The following PIBF1 variants were observed in gnomAD, a reference collection of about 807,000 sequenced individuals.
PIBF1 encodes progesterone immunomodulatory binding factor 1.
Under a neutral mutation model 112.5 loss-of-function variants are expected in PIBF1, and 90 were observed. The observed-to-expected ratio is 0.80, with a 90% CI of 0.67 to 0.95. PIBF1 has a LOEUF of 0.95. Among genes scored for constraint, PIBF1 ranks in the 40% least tolerant of loss-of-function variants. The pLI is 0.00. For missense variants in PIBF1, 915 were observed against 852.3 expected, an observed-to-expected ratio of 1.07 and a Z score of -0.92; for synonymous variants, 301 against 288.6, an observed-to-expected ratio of 1.04 and a Z score of -0.44.
At chr13:72,913,452 T>C (rs1194847485) in intron 12 of PIBF1, among the ~76,000 whole-genome samples, 1 of 152,130 alleles carries the variant, frequency 6.6e-6, no homozygotes, top group Non-Finnish European at 1.5e-5. Context: ...TGGATATATG[T>C]ATAATAAACA....
intron 5 of PIBF1, among the ~76,000 whole-genome samples, chr13:72,815,384 G>C (rs1232224237): frequency 6.6e-6 from 1 of 152,122 alleles, no homozygotes; most frequent in South Asian, 2.1e-4. Flanking sequence ...CTTCATATGA[G>C]TTTGTTACCT....
At chr13:72,936,141 A>G (rs1471605310) in intron 14 of PIBF1, among the ~76,000 whole-genome samples, 1 of 151,932 alleles carries the variant, frequency 6.6e-6, no homozygotes, top group Non-Finnish European at 1.5e-5. Context: ...GCCTCAAACT[A>G]TTGGGAGCCT....
Position 72,783,420 on chromosome 13 carries a change from C to A in PIBF1, c.-47-3C>A. 2 of 1,247,980 alleles carry A rather than the reference C, an allele frequency of 1.6e-6. No individual in the cohort carries two copies. Among genetic ancestry groups the A allele is most frequent in the South Asian group, 1.3e-5 (1 of 75,120 alleles). 77.3% of individuals were successfully genotyped at this position (1,247,980 alleles called of 1,614,324 possible). A position where few individuals can be genotyped will look rare whatever the true frequency, so the allele number is the denominator to read the frequency against. ...ATTTGAATTAATGTTTTTTAACCTA[C>A]AGAATATTAAAATCAAATTAGAGAA... On this transcript the variant is annotated splice_region_variant and splice_polypyrimidine_tract_variant and intron_variant, in intron 1 of 17. Transcript: ENST00000326291.
intron 14 of PIBF1, among the ~76,000 whole-genome samples, chr13:72,942,970 C>T (rs1036927850): frequency 1.3e-5 from 2 of 152,034 alleles, no homozygotes; most frequent in East Asian, 1.9e-4. Flanking sequence ...CACTGCACTC[C>T]AGCCCAGGTG....
rs546619452 is a variant in PIBF1, at chr13:72,783,603, G to C, written c.134G>C (p.Arg45Thr). The C allele has an allele frequency of 3.7e-5, 60 of 1,614,076 alleles. 3 individuals carry two copies. The South Asian group carries it at 6.5e-4, about 17-fold the overall frequency. Reference protein sequence around the residue: ...SSSEEREGKVRITRQLIERKE... With the variant: ...SSSEEREGKVTITRQLIERKE... ...TCAGAAGAGCGAGAGGGCAAAGTCA[G>C]AATCACCAGGCAGCTAATTGAACGA... is the stretch of plus-strand genomic sequence containing the variant. Residue 45 changes from arginine to threonine, a missense_variant, in exon 2 of 18, where the codon AGA becomes ACA. Arg to Thr is a moderately conservative substitution (Grantham distance 71). Coordinates refer to ENST00000326291, the MANE Select transcript of PIBF1 (RefSeq NM_006346.4).
chr13:72,873,736 A>C (rs1352977060), intron 10 of PIBF1, among the ~76,000 whole-genome samples: 1 of 150,186 alleles, frequency 6.7e-6, no homozygotes, highest in African/African-American at 2.5e-5. Flanking sequence ...GTTGGGGGAC[A>C]AAAAGAAAAA....
chr13:72,803,287 A>T (rs981140708), intron 5 of PIBF1, among the ~76,000 whole-genome samples: 2 of 149,048 alleles, frequency 1.3e-5, no homozygotes, highest in African/African-American at 5.0e-5. Flanking sequence ...CTTAAGAGAG[A>T]TGACAGCTGT....
chr13:72,908,736 A>G, intron 12 of PIBF1, 55 bp downstream of exon 12: 1 of 1,485,554 alleles, frequency 6.7e-7, no homozygotes, highest in Non-Finnish European at 9.2e-7. Flanking sequence ...GCAACAAAAG[A>G]CGCCTGACCT....
At chr13:72,974,889 T>C (rs1321119581) in intron 16 of PIBF1, among the ~76,000 whole-genome samples, 1 of 152,150 alleles carries the variant, frequency 6.6e-6, no homozygotes, top group Non-Finnish European at 1.5e-5. Flanking sequence ...TTTTCCAAAG[T>C]TACTATACTT....
Position 72,996,999 on chromosome 13 carries a change from G to A in PIBF1, c.2050-1823G>A, listed in dbSNP as rs528356214. Among the ~76,000 whole-genome samples, 12 of 152,268 alleles carry A rather than the reference G, an allele frequency of 7.9e-5. No individual in the cohort carries two copies. The South Asian group carries it at 2.3e-3, about 29-fold the overall frequency. ...ATATTTTTTGTACAGTCACATTAAC[G>A]AAAGTGGTACTGTGACAACACCCCA... On this transcript the variant is annotated intron_variant, in intron 16 of 17. Coordinates refer to ENST00000326291, the MANE Select transcript of PIBF1 (RefSeq NM_006346.4).
chr13:72,956,171 C>G lies in PIBF1; in HGVS notation c.1834-9103C>G, dbSNP rs894263234. 2.6e-5 allele frequency among the ~76,000 whole-genome samples: 4 copies of G among 152,128 alleles called. No homozygotes were observed. The South Asian group carries it at 6.2e-4, about 24-fold the overall frequency. ...CATGTTATTGAATATCAACTAGGCC[C>G]TTAACTACTGTTGCCCAGTGTTTTT... On this transcript the variant is annotated intron_variant, in intron 14 of 17. Transcript: ENST00000326291.
At chr13:72,985,035 AT>A (rs529422417) in intron 16 of PIBF1, among the ~76,000 whole-genome samples, 42 of 152,248 alleles carry the variant, frequency 2.8e-4, no homozygotes, top group South Asian at 1.2e-3. Flanking sequence ...TTAAAAGTAC[AT>A]TTCTCTGACC....
intron 8 of PIBF1, among the ~76,000 whole-genome samples, chr13:72,834,004 A>G (rs2037239755): frequency 6.6e-6 from 1 of 152,174 alleles, no homozygotes; most frequent in African/African-American, 2.4e-5. Context: ...AGATAGATAG[A>G]TATATGCTAT....
At chr13:73,000,487 G>A (rs571161439) in intron 17 of PIBF1, among the ~76,000 whole-genome samples, 11 of 152,266 alleles carry the variant, frequency 7.2e-5, no homozygotes, top group East Asian at 3.9e-4. Context: ...TACAGCTGCC[G>A]AGGACTGTTT....
chr13:72,847,516 T>C (rs2037929105), intron 9 of PIBF1, among the ~76,000 whole-genome samples: 1 of 152,206 alleles, frequency 6.6e-6, no homozygotes, highest in Admixed American at 6.5e-5. Context: ...TCTCATGGCC[T>C]AATCACCATT....
chr13:72,927,744 A>G (rs1465035797), intron 13 of PIBF1, among the ~76,000 whole-genome samples: 5 of 150,874 alleles, frequency 3.3e-5, no homozygotes, highest in African/African-American at 1.2e-4. Context: ...ATATATCTTT[A>G]TATTTCTTTT....
intron 14 of PIBF1, among the ~76,000 whole-genome samples, chr13:72,945,255 T>C (rs1337190811): frequency 1.3e-5 from 2 of 152,210 alleles, no homozygotes; most frequent in Non-Finnish European, 2.9e-5. Context: ...TAGTATCCCA[T>C]GGTGTATATG....
chr13:72,827,700 CTG>C (rs1201813407), intron 7 of PIBF1, 31 bp from the exon 8 acceptor site: 3 of 1,255,112 alleles, frequency 2.4e-6, no homozygotes, highest in Non-Finnish European at 2.2e-6. Flanking sequence ...GATGGCATCA[CTG>C]TGGATACTTT....
intron 16 of PIBF1, among the ~76,000 whole-genome samples, chr13:72,985,864 C>G (rs2043272582): frequency 6.6e-6 from 1 of 151,874 alleles, no homozygotes; most frequent in Non-Finnish European, 1.5e-5. Flanking sequence ...ATAGTAAAGG[C>G]CAGGGTCCAG....
Sources: allele counts gnomAD v4.1 joint callset (sites outside exome capture counted in the v4.1 genomes callset), GRCh38; gene constraint gnomAD v4.1.1; transcripts MANE v1.5; gene names NCBI Gene and HGNC (gene_info 2026-07-23, HGNC 2026-07-21).